The following PLCB3 variants were observed in gnomAD, a reference collection of about 807,000 sequenced individuals.
PLCB3 encodes phospholipase C beta 3, also known as 1-phosphatidylinositol 4,5-bisphosphate phosphodiesterase beta-3.
In PLCB3, 54 loss-of-function variants were observed where a neutral mutation model predicts 152.1. The observed-to-expected ratio is 0.36, with a 90% CI of 0.29 to 0.45. The LOEUF (loss-of-function observed/expected upper bound fraction) is 0.45, where lower values mean the gene tolerates loss of function less well. Ranked by LOEUF, PLCB3 falls within the 20% of genes least tolerant of loss-of-function variation. PLCB3 has a pLI of 1.00. For missense variants in PLCB3, 1,248 were observed against 1,687.5 expected, an observed-to-expected ratio of 0.74 and a Z score of 4.56; for synonymous variants, 717 against 698.7, an observed-to-expected ratio of 1.03 and a Z score of -0.41.
intron 14 of PLCB3, among the ~76,000 whole-genome samples, chr11:64,261,171 G>A (rs2031828204): frequency 6.6e-6 from 1 of 152,216 alleles, no homozygotes; most frequent in African/African-American, 2.4e-5. Context: ...CGGGCAAGGT[G>A]GCGGGCGCCT....
At chr11:64,254,327 T>C in intron 1 of PLCB3, 88 bp from the exon 2 acceptor site, 1 of 1,063,248 alleles carries the variant, frequency 9.4e-7, no homozygotes, top group Middle Eastern at 2.0e-4. Context: ...GGGCAGGAAC[T>C]CTGGGGTGCA....
In PLCB3 at chr11:64,259,236, C is replaced by T. The variant is rs745972692; in HGVS notation, c.1517C>T (p.Pro506Leu). The stretch of plus-strand genomic sequence containing the variant: ...TCCGCGGCCACCGAGCCCTCCTCCC[C>T]GCAGCTGGGTAGGCCCCAGCCCGGC... ...ESSAATEPSS[P>L]QLGSPSSDSC... The change falls in exon 13 of 31, where the codon CCG becomes CTG. Residue 506 changes from proline to leucine, a missense_variant. By Grantham distance (98) the Pro-to-Leu change is moderately conservative (BLOSUM62 -3). Coordinates refer to ENST00000279230, the MANE Select transcript of PLCB3 (RefSeq NM_000932.5). 4.4e-5 allele frequency: 68 copies of T among 1,537,652 alleles called. No individual in the cohort carries two copies. In the Admixed American group the frequency reaches 9.4e-4, roughly 21 times the overall value.
chr11:64,258,719 T>TAC lies in PLCB3; in HGVS notation c.1253+6_1253+7insAC. 6.2e-7 allele frequency: 1 copy of TAC among 1,613,310 alleles called. No individual in the cohort carries two copies. Among genetic ancestry groups the TAC allele is most frequent in the Non-Finnish European group, 8.5e-7 (1 of 1,179,624 alleles). On this transcript the variant is annotated splice_region_variant and intron_variant, in intron 11 of 30. Coordinates refer to ENST00000279230, the MANE Select transcript of PLCB3 (RefSeq NM_000932.5). This position sits in a 1 kb window ranked among gnomAD's most constrained non-coding sequence, Gnocchi z 7.2. Reference sequence around the variant, plus strand: ...TTCGAGAACCATGTGGACTCGTGAGTGAGCCCCTGGCATGAAACCCCATGG... The same window carrying TAC: ...TTCGAGAACCATGTGGACTCGTGAGTACGAGCCCCTGGCATGAAACCCCATGG...
At chr11:64,261,897 G>A in intron 16 of PLCB3, 55 bp from the exon 17 acceptor site, 1 of 1,608,476 alleles carries the variant, frequency 6.2e-7, no homozygotes. Flanking sequence ...GGCCGGAGGT[G>A]GAGGCTGATG....
chr11:64,261,850 G>A, intron 16 of PLCB3, 102 bp from the exon 17 acceptor site: 2 of 1,544,530 alleles, frequency 1.3e-6, no homozygotes, highest in Non-Finnish European at 1.8e-6. Context: ...CTAAGAAACA[G>A]AGGCCGGGTG....
rs910358213 is a variant in PLCB3, at chr11:64,258,855, G to A, written c.1254-30G>A. The A allele has an allele frequency of 6.8e-6, 11 of 1,612,518 alleles. No homozygotes were observed. Among genetic ancestry groups the A allele is most frequent in the Middle Eastern group, 1.6e-4 (1 of 6,076 alleles). On this transcript the variant is annotated intron_variant, in intron 11 of 30. Transcript: ENST00000279230. The surrounding 1 kb of genome is among the most constrained non-coding windows in gnomAD (Gnocchi z 7.2). ...ACCTCAGCTTCCTCTCTGGGGGAGG[G>A]ATCTCTGACCTCTGACCTCGGTTCC...
rs192464486 is a variant in PLCB3 at position 64,267,438 on chromosome 11, C to T, written c.3587C>T (p.Pro1196Leu). ...CGCCGGAGCCTGCTGGGCGAGATGC[C>T]GGAGGGGCTGGGGGACGGGCCTCTG... ...EIRRSLLGEM[P>L]EGLGDGPLVA... is the part of the protein sequence containing the mutation. Residue 1196 changes from proline (P) to leucine (L), a missense_variant, in exon 31 of 31, where the codon CCG becomes CTG. Physicochemically the swap from Pro to Leu is moderately conservative, Grantham distance 98. Around this residue, in one of 6 missense-constraint regions of PLCB3, gnomAD observed 477 missense variants for 489.6 expected, o/e 0.97. Transcript: ENST00000279230. This position sits in a 1 kb window ranked among gnomAD's most constrained non-coding sequence, Gnocchi z 5.2. The T allele has an allele frequency of 2.5e-5, 38 of 1,548,558 alleles. No homozygotes were observed. The highest frequency in any genetic ancestry group is 5.8e-5 in the Admixed American group (3 of 51,718).
chr11:64,266,611 C>G lies in PLCB3; in HGVS notation c.3414+59C>G. On this transcript the variant is annotated intron_variant, in intron 29 of 30. Transcript: ENST00000279230. The surrounding 1 kb of genome is among the most constrained non-coding windows in gnomAD (Gnocchi z 4.9). ...TCCCTTCCTTCACTCATCAGACACC[C>G]ATCTCCATGCCTGGCCTGGTGCCAC... 6.6e-7 allele frequency: 1 copy of G among 1,523,388 alleles called. No homozygotes were observed. The highest frequency in any genetic ancestry group is 9.1e-7 in the Non-Finnish European group (1 of 1,097,964). 94.4% of individuals were successfully genotyped at this position (1,523,388 alleles called of 1,614,324 possible).
In PLCB3 at chr11:64,255,353, C is replaced by G; in HGVS notation, c.467+40C>G. 2 of 1,613,690 alleles carry G rather than the reference C, an allele frequency of 1.2e-6. No homozygotes were observed. The highest frequency in any genetic ancestry group is 2.7e-5 in the African/African-American group (2 of 75,052). ...ACCCGAGGGGGAGCCGGGGGGTTCA[C>G]GTGGCCGTTTTCAGGGTGTGACCTC... On this transcript the variant is annotated intron_variant, in intron 5 of 30. Coordinates refer to ENST00000279230, the MANE Select transcript of PLCB3 (RefSeq NM_000932.5). The surrounding 1 kb of genome is among the most constrained non-coding windows in gnomAD (Gnocchi z 6.8).
chr11:64,259,054 C>G lies in PLCB3; in HGVS notation c.1339-4C>G. The G allele has an allele frequency of 6.2e-7, 1 of 1,611,512 alleles. No individual in the cohort carries two copies. The highest frequency in any genetic ancestry group is 8.5e-7 in the Non-Finnish European group (1 of 1,178,696). ...AGGGCCCTGACTCGTCCATGCCTGC[C>G]CAGCTGGCCCCAGGCGTTCCCCTGC... On this transcript the variant is annotated splice_polypyrimidine_tract_variant and splice_region_variant and intron_variant, in intron 12 of 30. Transcript: ENST00000279230.
At position 64,255,132 on chromosome 11, in the gene PLCB3, C is replaced by G; in HGVS notation, c.387+94C>G. On this transcript the variant is annotated intron_variant, in intron 4 of 30. Transcript: ENST00000279230. The surrounding 1 kb of genome is among the most constrained non-coding windows in gnomAD (Gnocchi z 6.8). ...AACACCTGCTGTGTTCTAGGCTGCT[C>G]TGTGACCTACTGTGTACCAGAGGCA... is the stretch of plus-strand genomic sequence containing the variant. 1 of 1,527,692 alleles carries G rather than the reference C, an allele frequency of 6.5e-7. No homozygotes were observed. Among genetic ancestry groups the G allele is most frequent in the Non-Finnish European group, 9.1e-7 (1 of 1,103,388 alleles). 94.6% of individuals were successfully genotyped at this position (1,527,692 alleles called of 1,614,324 possible). A position where few individuals can be genotyped will look rare whatever the true frequency, so the allele number is the denominator to read the frequency against.
chr11:64,258,386 TC>T lies in PLCB3; in HGVS notation c.1013-85del. The T allele has an allele frequency of 2.7e-6, 4 of 1,468,478 alleles. No individual in the cohort carries two copies. Among genetic ancestry groups the T allele is most frequent in the Non-Finnish European group, 3.7e-6 (4 of 1,089,268 alleles). 91.0% of individuals were successfully genotyped at this position (1,468,478 alleles called of 1,614,324 possible). ...TGAGAGATGGAGAGCCCTCTGCAAA[TC>T]CAGCATGTCCTGGTTCCAGGTGGGG... On this transcript the variant is annotated intron_variant, in intron 10 of 30. Transcript: ENST00000279230. The surrounding 1 kb of genome is among the most constrained non-coding windows in gnomAD (Gnocchi z 7.2).
At position 64,254,901 on chromosome 11, in the gene PLCB3, C is replaced by T. The variant is rs751880650; in HGVS notation, c.250C>T (p.Pro84Ser). 19 of 1,607,396 alleles carry T rather than the reference C, an allele frequency of 1.2e-5. No individual in the cohort carries two copies. Among genetic ancestry groups the T allele is most frequent in the Non-Finnish European group, 1.6e-5 (19 of 1,175,710 alleles). Residue 84 changes from proline to serine, a missense_variant, in exon 4 of 31, where the codon CCC becomes TCC. By Grantham distance (74) the Pro-to-Ser change is moderately conservative. Around this residue, in one of 6 missense-constraint regions of PLCB3, gnomAD observed 299 missense variants for 434.7 expected, o/e 0.69. Coordinates refer to ENST00000279230, the MANE Select transcript of PLCB3 (RefSeq NM_000932.5). The stretch of plus-strand genomic sequence containing the variant: ...CCCTTCGCTGTCACCTACTCAGGAC[C>T]CCAAGATCCGGGAAGTTCTGGGCTT... ...TGRYARLPKD[P>S]KIREVLGFGG... is the part of the protein sequence containing the mutation.
intron 18 of PLCB3, 29 bp downstream of exon 18, chr11:64,262,590 G>A (rs200601187): frequency 1.2e-5 from 20 of 1,612,544 alleles, no homozygotes; most frequent in Non-Finnish European, 2.5e-6. Flanking sequence ...TCAGGCCAGG[G>A]GTGTCCTGGG....
chr11:64,254,169 A>G (rs1202935390), intron 1 of PLCB3, among the ~76,000 whole-genome samples: 1 of 152,050 alleles, frequency 6.6e-6, no homozygotes, highest in Non-Finnish European at 1.5e-5. Context: ...GTCAGGTAGA[A>G]TCCTAGGGCC....
At chr11:64,254,677 A>G in intron 2 of PLCB3, 71 bp from the exon 3 acceptor site, 4 of 1,532,628 alleles carry the variant, frequency 2.6e-6, no homozygotes, top group Non-Finnish European at 3.6e-6. Context: ...TGGCCTGGGT[A>G]GAGAGCTTGG....
Position 64,258,998 on chromosome 11 carries a change from CA to C in PLCB3, c.1338+30del. 3 of 1,613,120 alleles carry C rather than the reference CA, an allele frequency of 1.9e-6. No individual in the cohort carries two copies. The highest frequency in any genetic ancestry group is 2.5e-6 in the Non-Finnish European group (3 of 1,179,470). Reference sequence around the variant, plus strand: ...CGGGAGCTCGGAGCGAGGGGGGTGGCATGGGGGCCAGGGTGCTGCGGACCCG... The same window carrying C: ...CGGGAGCTCGGAGCGAGGGGGGTGGCTGGGGGCCAGGGTGCTGCGGACCCG... On this transcript the variant is annotated intron_variant, in intron 12 of 30. Transcript: ENST00000279230. This position sits in a 1 kb window ranked among gnomAD's most constrained non-coding sequence, Gnocchi z 7.2.
chr11:64,262,094 C>G lies in PLCB3; in HGVS notation c.2038+18C>G, dbSNP rs531300386. 6.2e-7 allele frequency: 1 copy of G among 1,613,890 alleles called. No homozygotes were observed. The highest frequency in any genetic ancestry group is 2.2e-5 in the East Asian group (1 of 44,882). ...GACCCTCGGTGAGCCCTGGCCCCCTCCATCTTGACCCCGACCCTCAGTCTT... is the reference window on the plus strand; with the variant it reads ...GACCCTCGGTGAGCCCTGGCCCCCTGCATCTTGACCCCGACCCTCAGTCTT... On this transcript the variant is annotated intron_variant, in intron 17 of 30. Coordinates refer to ENST00000279230, the MANE Select transcript of PLCB3 (RefSeq NM_000932.5).
rs897996302 is a variant in PLCB3 at position 64,259,253 on chromosome 11, C to T, written c.1525+9C>T. The T allele has an allele frequency of 9.3e-6, 14 of 1,501,226 alleles. No individual in the cohort carries two copies. Among genetic ancestry groups the T allele is most frequent in the Non-Finnish European group, 1.2e-5 (13 of 1,124,504 alleles). The allele number at this position is 1,501,226 out of a possible 1,614,324, so 93.0% of individuals were successfully genotyped here. A position where few individuals can be genotyped will look rare whatever the true frequency, so the allele number is the denominator to read the frequency against. ...CTCCTCCCCGCAGCTGGGTAGGCCC[C>T]AGCCCGGCCCGCCACCCTGACTTGA... On this transcript the variant is annotated intron_variant, in intron 13 of 30. Transcript: ENST00000279230.
Sources: gnomAD v4.1 joint callset for allele counts (sites outside exome capture counted in the v4.1 genomes callset) on GRCh38, gnomAD v4.1.1 for gene constraint, gnomAD v4.1.1 regional missense constraint, Gnocchi (gnomAD v3.1) non-coding constraint, MANE v1.5 for transcripts, NCBI Gene and HGNC (gene_info 2026-07-23, HGNC 2026-07-21) for gene names.